The following FEZF2 variants were observed in gnomAD, a reference collection of about 807,000 sequenced individuals.
The protein encoded by FEZF2 is fez family zinc finger protein 2.
FEZF2 carries 2 observed loss-of-function variants against 32.8 expected under a neutral mutation model. That is an observed-to-expected ratio of 0.06 (90% CI 0.02 to 0.19). FEZF2 has a LOEUF of 0.19. Among genes scored for constraint, FEZF2 ranks in the 10% least tolerant of loss-of-function variants. The pLI, the probability that FEZF2 is intolerant of heterozygous loss-of-function variation, is 1.00. For missense variants in FEZF2, 516 were observed against 625.4 expected (o/e 0.83, Z 1.87); for synonymous variants, 322 against 284.8 (o/e 1.13, Z -1.32).
Position 62,371,316 on chromosome 3 carries a change from C to A in FEZF2, c.1021G>T (p.Ala341Ser), listed in dbSNP as rs1241104624. Reference protein sequence around the residue: ...KPHKCNQCGKAFNRSSTLNTH... With the variant: ...KPHKCNQCGKSFNRSSTLNTH... The stretch of plus-strand genomic sequence containing the variant: ...TTGAGCGTGGAGCTGCGGTTGAACG[C>A]TTTGCCGCACTGGTTGCATTTATGT... The change falls in exon 4 of 5, where the codon GCG becomes TCG. Residue 341 changes from alanine to serine, a missense_variant. By Grantham distance (99) the Ala-to-Ser change is moderately conservative. Transcript: ENST00000283268. 1 of 1,614,226 alleles carries A rather than the reference C, an allele frequency of 6.2e-7. No homozygotes were observed. Among genetic ancestry groups the A allele is most frequent in the South Asian group, 1.1e-5 (1 of 91,088 alleles).
In FEZF2 at chr3:62,372,799, T is replaced by C. The variant is rs1704293492; in HGVS notation, c.70A>G (p.Thr24Ala). The part of the protein sequence containing the change: ...ACPRAGASPA[T>A]SKTLAFSIER... ...ATGGAAAAGGCCAGTGTCTTGGAAG[T>C]GGCCGGCGACGCTCCGGCGCGCGGG... The change falls in exon 2 of 5, where the codon ACT (threonine) becomes GCT (alanine). Residue 24 changes from threonine to alanine, a missense_variant. Coordinates refer to ENST00000283268, the MANE Select transcript of FEZF2 (RefSeq NM_018008.4). The surrounding 1 kb of genome is among the most constrained non-coding windows in gnomAD (Gnocchi z 9.6). The C allele has an allele frequency of 1.3e-6, 2 of 1,557,946 alleles. No individual in the cohort carries two copies. Among genetic ancestry groups the C allele is most frequent in the Non-Finnish European group, 8.7e-7 (1 of 1,148,622 alleles).
rs1431998008 is a variant in FEZF2 at position 62,372,099 on chromosome 3, C to G, written c.770G>C (p.Gly257Ala). The G allele has an allele frequency of 6.2e-7, 1 of 1,605,694 alleles. No homozygotes were observed. Among genetic ancestry groups the G allele is most frequent in the Admixed American group, 1.7e-5 (1 of 58,688 alleles). Residue 257 changes from glycine to alanine, a missense_variant, in exon 2 of 5, where the codon GGA (glycine) becomes GCA (alanine). Physicochemically the swap from Gly to Ala is moderately conservative, Grantham distance 60. Coordinates refer to ENST00000283268, the MANE Select transcript of FEZF2 (RefSeq NM_018008.4). This position sits in a 1 kb window ranked among gnomAD's most constrained non-coding sequence, Gnocchi z 9.6. ...KENSALTAER[G>A]GVKGHSKLPG... ...CAGCTTGCTGTGGCCCTTGACGCCT[C>G]CGCGCTCGGCAGTCAGGGCCGAGTT...
chr3:62,372,472 C>T lies in FEZF2; in HGVS notation c.397G>A (p.Val133Met), dbSNP rs1456475691. 6.3e-7 allele frequency: 1 copy of T among 1,590,622 alleles called. No homozygotes were observed. The highest frequency in any genetic ancestry group is 1.8e-5 in the Admixed American group (1 of 57,070). ...ASGLCKTNCGVCCKAELGLAP... is the reference protein window; with the variant it reads ...ASGLCKTNCGMCCKAELGLAP... ...AGGCCCAGCTCGGCCTTGCAGCACA[C>T]GCCACAGTTGGTTTTGCACAAGCCG... The change falls in exon 2 of 5, where the codon GTG becomes ATG. Residue 133 changes from valine to methionine, a missense_variant. This residue lies in a region of FEZF2 where 408 missense variants were observed against 382.2 expected (regional missense o/e 1.07). Transcript: ENST00000283268. The surrounding 1 kb of genome is among the most constrained non-coding windows in gnomAD (Gnocchi z 9.6).
At chr3:62,371,184 G>A (rs1190741311) in intron 4 of FEZF2, 33 bp downstream of exon 4, 1 of 1,613,944 alleles carries the variant, frequency 6.2e-7, no homozygotes, top group East Asian at 2.2e-5. Flanking sequence ...CCTGAGGTGA[G>A]GTGAGAAGAG....
chr3:62,370,385 A>T lies in FEZF2; in HGVS notation c.1121-43T>A, dbSNP rs754196360. 4.4e-6 allele frequency: 7 copies of T among 1,599,338 alleles called. No homozygotes were observed. Among genetic ancestry groups the T allele is most frequent in the Admixed American group, 1.7e-5 (1 of 59,248 alleles). On this transcript the variant is annotated intron_variant, in intron 4 of 4. Coordinates refer to ENST00000283268, the MANE Select transcript of FEZF2 (RefSeq NM_018008.4). This position sits in a 1 kb window ranked among gnomAD's most constrained non-coding sequence, Gnocchi z 4.2. ...CAAAAAACGTGGGGGTATGGAGTAG[A>T]ATGGTGGGGAGGAAGAGGCGGGCGT...
rs367795548 is a variant in FEZF2, at chr3:62,371,314, C to G, written c.1023G>C (p.Ala341=). ...TGTTGAGCGTGGAGCTGCGGTTGAACGCTTTGCCGCACTGGTTGCATTTAT... is the reference window on the plus strand; with the variant it reads ...TGTTGAGCGTGGAGCTGCGGTTGAAGGCTTTGCCGCACTGGTTGCATTTAT... ...KPHKCNQCGK[A]FNRSSTLNTH... The change falls in exon 4 of 5, where the codon GCG becomes GCC. Residue 341 remains alanine (A), a synonymous_variant. Transcript: ENST00000283268. 4 of 1,614,202 alleles carry G rather than the reference C, an allele frequency of 2.5e-6. No individual in the cohort carries two copies. Among genetic ancestry groups the G allele is most frequent in the Non-Finnish European group, 3.4e-6 (4 of 1,180,028 alleles).
At position 62,371,588 on chromosome 3, in the gene FEZF2, C is replaced by T; in HGVS notation, c.932G>A (p.Gly311Asp). The T allele has an allele frequency of 6.2e-7, 1 of 1,614,214 alleles. No homozygotes were observed. Among genetic ancestry groups the T allele is most frequent in the South Asian group, 1.1e-5 (1 of 91,084 alleles). ...GARPFVCKVC[G>D]KGFRQASTLC... ...CGTGCTGGCCTGGCGAAAGCCTTTGCCGCAGACTTTGCACACGAACGGTCT... is the reference window on the plus strand; with the variant it reads ...CGTGCTGGCCTGGCGAAAGCCTTTGTCGCAGACTTTGCACACGAACGGTCT... The change falls in exon 3 of 5, where the codon GGC becomes GAC. Residue 311 changes from glycine to aspartate, a missense_variant. Gly to Asp is a moderately conservative substitution (Grantham distance 94, BLOSUM62 -1). This residue lies in a region of FEZF2 where 79 missense variants were observed against 219.4 expected (regional missense o/e 0.36). Transcript: ENST00000283268.
rs1434480424 is a variant in FEZF2 at position 62,370,448 on chromosome 3, C to T, written c.1121-106G>A. Reference sequence around the variant, plus strand: ...CCAGGTGCCTGCTCAAAAAAGGCGACGCTTGGCTAGGCGGGCGCGACCTCT... The same window carrying T: ...CCAGGTGCCTGCTCAAAAAAGGCGATGCTTGGCTAGGCGGGCGCGACCTCT... On this transcript the variant is annotated intron_variant, in intron 4 of 4. Coordinates refer to ENST00000283268, the MANE Select transcript of FEZF2 (RefSeq NM_018008.4). The surrounding 1 kb of genome is among the most constrained non-coding windows in gnomAD (Gnocchi z 4.2). The T allele has an allele frequency of 4.8e-6, 6 of 1,246,668 alleles. No homozygotes were observed. The highest frequency in any genetic ancestry group is 2.8e-4 in the Middle Eastern group (1 of 3,554). 77.2% of individuals were successfully genotyped at this position (1,246,668 alleles called of 1,614,324 possible). A position where few individuals can be genotyped will look rare whatever the true frequency, so the allele number is the denominator to read the frequency against.
In FEZF2 at chr3:62,372,259, G is replaced by A. The variant is rs1198240298; in HGVS notation, c.610C>T (p.Leu204=). The change falls in exon 2 of 5, where the codon CTG becomes TTG. Residue 204 remains leucine, a synonymous_variant. Coordinates refer to ENST00000283268, the MANE Select transcript of FEZF2 (RefSeq NM_018008.4). This position sits in a 1 kb window ranked among gnomAD's most constrained non-coding sequence, Gnocchi z 9.6. Reference sequence around the variant, plus strand: ...AGAAAGAGCTTGGGGTGAGCAGCCAGGGCGGCGGGGGCCTGCGCATTGAGG... The same window carrying A: ...AGAAAGAGCTTGGGGTGAGCAGCCAAGGCGGCGGGGGCCTGCGCATTGAGG... ...GLLNAQAPAA[L]AAHPKLFLLE... The A allele has an allele frequency of 6.3e-7, 1 of 1,586,498 alleles. No homozygotes were observed.
chr3:62,371,946 C>G (rs1704275586), intron 2 of FEZF2, 71 bp downstream of exon 2: 1 of 1,542,712 alleles, frequency 6.5e-7, no homozygotes, highest in Non-Finnish European at 8.7e-7. Context: ...AGGGGCATTC[C>G]AGGCTGCCCC....
At chr3:62,371,955 C>G (rs1027534651) in intron 2 of FEZF2, 62 bp downstream of exon 2, 9 of 1,559,708 alleles carry the variant, frequency 5.8e-6, no homozygotes, top group South Asian at 1.2e-5. Context: ...CCAGGCTGCC[C>G]CAAGGAAGCC....
intron 2 of FEZF2, 22 bp downstream of exon 2, chr3:62,371,995 C>G (rs1307624685): frequency 6.3e-7 from 1 of 1,596,004 alleles, no homozygotes; most frequent in Non-Finnish European, 8.5e-7. Context: ...CCCGGCCCCC[C>G]TCGCCGAACC....
At chr3:62,371,392 G>T in intron 3 of FEZF2, 43 bp from the exon 4 acceptor site, 1 of 1,598,486 alleles carries the variant, frequency 6.3e-7, no homozygotes, top group Non-Finnish European at 8.5e-7. Context: ...GGCCACCTCG[G>T]GAACACCTGG....
chr3:62,372,746 C>T lies in FEZF2; in HGVS notation c.123G>A (p.Glu41=). Residue 41 remains glutamate, a synonymous_variant, in exon 2 of 5, where the codon GAG becomes GAA. Coordinates refer to ENST00000283268, the MANE Select transcript of FEZF2 (RefSeq NM_018008.4). This position sits in a 1 kb window ranked among gnomAD's most constrained non-coding sequence, Gnocchi z 9.6. ...SIERIMAKTS[E]PRAPFEPRPG... ...GCCGGGGCTCAAAGGGCGCACGGGGCTCCGACGTCTTGGCCATGATGCGCT... is the reference window on the plus strand; with the variant it reads ...GCCGGGGCTCAAAGGGCGCACGGGGTTCCGACGTCTTGGCCATGATGCGCT... The T allele has an allele frequency of 6.2e-7, 1 of 1,607,164 alleles. No individual in the cohort carries two copies. Among genetic ancestry groups the T allele is most frequent in the Non-Finnish European group, 8.5e-7 (1 of 1,176,772 alleles).
Position 62,372,521 on chromosome 3 carries a change from C to CCCG in FEZF2, c.345_347dup (p.Gly117dup), listed in dbSNP as rs753783625. 2.1e-4 allele frequency: 276 copies of CCCG among 1,294,776 alleles called. No homozygotes were observed. In the South Asian group the frequency reaches 3.8e-3, roughly 18 times the overall value. The allele number at this position is 1,294,776 out of a possible 1,614,324, so 80.2% of individuals were successfully genotyped here. On this transcript the variant is annotated inframe_insertion, in exon 2 of 5. Transcript: ENST00000283268. This position sits in a 1 kb window ranked among gnomAD's most constrained non-coding sequence, Gnocchi z 9.6. ...CGCTGGCGCCGCACACTGGGGCCCC[C>CCCG]CCGCCGCCGCCGCCGCCACCGCCGC...
In FEZF2 at chr3:62,372,527, GCCGCCGCCGCCA is replaced by G. The variant is rs756214780; in HGVS notation, c.330_341del (p.Gly114_Gly117del). ...CGCCGCACACTGGGGCCCCCCCGCCGCCGCCGCCGCCACCGCCGCCGCCGCCTCCGCCGCCGC... is the reference window on the plus strand; with the variant it reads ...CGCCGCACACTGGGGCCCCCCCGCCGCCGCCGCCGCCGCCTCCGCCGCCGC... On this transcript the variant is annotated inframe_deletion, in exon 2 of 5. Coordinates refer to ENST00000283268, the MANE Select transcript of FEZF2 (RefSeq NM_018008.4). The surrounding 1 kb of genome is among the most constrained non-coding windows in gnomAD (Gnocchi z 9.6). 35 of 1,297,712 alleles carry G rather than the reference GCCGCCGCCGCCA, an allele frequency of 2.7e-5. 2 individuals carry two copies. Among genetic ancestry groups the G allele is most frequent in the East Asian group, 1.2e-4 (4 of 32,632 alleles). 80.4% of individuals were successfully genotyped at this position (1,297,712 alleles called of 1,614,324 possible).
rs1704253072 is a variant in FEZF2, at chr3:62,370,475, C to T, written c.1121-133G>A. The T allele has an allele frequency of 6.8e-6, 6 of 885,204 alleles. No homozygotes were observed. Among genetic ancestry groups the T allele is most frequent in the South Asian group, 1.6e-5 (1 of 61,060 alleles). 54.8% of individuals were successfully genotyped at this position (885,204 alleles called of 1,614,324 possible). On this transcript the variant is annotated intron_variant, in intron 4 of 4. Transcript: ENST00000283268. This position sits in a 1 kb window ranked among gnomAD's most constrained non-coding sequence, Gnocchi z 4.2. Reference sequence around the variant, plus strand: ...CTTGGCTAGGCGGGCGCGACCTCTTCGAGTGAAGAAGTTGTCAAACTTCGT... The same window carrying T: ...CTTGGCTAGGCGGGCGCGACCTCTTTGAGTGAAGAAGTTGTCAAACTTCGT...
Position 62,369,801 on chromosome 3 carries a change from G to C in FEZF2, c.*282C>G. 2 of 393,886 alleles carry C rather than the reference G, an allele frequency of 5.1e-6. 1 individual carries two copies. The highest frequency in any genetic ancestry group is 7.2e-5 in the South Asian group (2 of 27,778). 24.4% of individuals were successfully genotyped at this position (393,886 alleles called of 1,614,324 possible). On this transcript the variant is annotated 3_prime_UTR_variant, in exon 5 of 5. Coordinates refer to ENST00000283268, the MANE Select transcript of FEZF2 (RefSeq NM_018008.4). This position sits in a 1 kb window ranked among gnomAD's most constrained non-coding sequence, Gnocchi z 4.2. ...TCTGGGGCGCTCACGGTGACAGGCT[G>C]GGGTTAAAACTGGCTGCCCCAGGAG...
Position 62,370,416 on chromosome 3 carries a change from G to A in FEZF2, c.1121-74C>T, listed in dbSNP as rs1704252363. The A allele has an allele frequency of 2.0e-6, 3 of 1,535,474 alleles. No individual in the cohort carries two copies. Among genetic ancestry groups the A allele is most frequent in the African/African-American group, 1.4e-5 (1 of 72,956 alleles). On this transcript the variant is annotated intron_variant, in intron 4 of 4. Coordinates refer to ENST00000283268, the MANE Select transcript of FEZF2 (RefSeq NM_018008.4). This position sits in a 1 kb window ranked among gnomAD's most constrained non-coding sequence, Gnocchi z 4.2. ...GGGGAGGAAGAGGCGGGCGTCCCAG[G>A]GGCAGCCCAGGTGCCTGCTCAAAAA... is the stretch of plus-strand genomic sequence containing the variant.
Sources: allele counts gnomAD v4.1 joint callset, GRCh38; gene constraint gnomAD v4.1.1; regional missense constraint gnomAD v4.1.1; non-coding constraint Gnocchi (gnomAD v3.1); transcripts MANE v1.5; gene names NCBI Gene and HGNC (gene_info 2026-07-23, HGNC 2026-07-21).